Variants in TSPAN18 observed in about 807,000 individuals in gnomAD.
TSPAN18 encodes the protein tetraspanin 18.
Under a neutral mutation model 27.3 loss-of-function variants are expected in TSPAN18, and 14 were observed. The ratio of observed to expected loss-of-function variants is 0.51; its 90% CI spans 0.34 to 0.80. The LOEUF (loss-of-function observed/expected upper bound fraction) is 0.80. TSPAN18 is among the 30% of genes least tolerant of loss of function. The probability of loss-of-function intolerance (pLI) is 0.01; values close to 1 mark genes in which losing one functional copy is unlikely to be tolerated. For missense variants in TSPAN18, 268 were observed against 323.9 expected, an observed-to-expected ratio of 0.83 and a Z score of 1.32; for synonymous variants, 143 against 136.5, an observed-to-expected ratio of 1.05 and a Z score of -0.33.
chr11:44,730,287 C>T (rs1361724287), intron 1 of TSPAN18, among the ~76,000 whole-genome samples: 2 of 152,172 alleles, frequency 1.3e-5, no homozygotes, highest in African/African-American at 4.8e-5. Context: ...CAGGCTCGCT[C>T]CCCACTCTTC....
intron 2 of TSPAN18, among the ~76,000 whole-genome samples, chr11:44,784,678 G>C (rs1353854220): frequency 6.6e-6 from 1 of 152,194 alleles, no homozygotes; most frequent in South Asian, 2.1e-4. Flanking sequence ...TGCGTCCCCA[G>C]CCCTTGGGGC....
At chr11:44,876,255 G>A (rs888256007) in intron 3 of TSPAN18, among the ~76,000 whole-genome samples, 8 of 152,214 alleles carry the variant, frequency 5.3e-5, no homozygotes, top group African/African-American at 1.9e-4. Context: ...GGTCAATGCT[G>A]TCTCTGAGAG....
chr11:44,803,972 C>T (rs1290594095), intron 2 of TSPAN18, among the ~76,000 whole-genome samples: 1 of 152,214 alleles, frequency 6.6e-6, no homozygotes, highest in Non-Finnish European at 1.5e-5. Flanking sequence ...ATTTATTACA[C>T]CTGAAAAATA....
chr11:44,794,393 C>A (rs1009394952), intron 2 of TSPAN18, among the ~76,000 whole-genome samples: 8 of 152,082 alleles, frequency 5.3e-5, no homozygotes, highest in Admixed American at 1.3e-4. Context: ...TCTGGCCGGG[C>A]ATGGTAGCTC....
chr11:44,905,111 A>T (rs1453622918), intron 3 of TSPAN18, among the ~76,000 whole-genome samples: 1 of 152,202 alleles, frequency 6.6e-6, no homozygotes, highest in Non-Finnish European at 1.5e-5. Context: ...ATGGAGTCCA[A>T]TGTGATGCTT....
rs182399919 is a variant in TSPAN18, at chr11:44,884,031, G to A, written c.-10-22376G>A. On this transcript the variant is annotated intron_variant, in intron 3 of 9. Coordinates refer to ENST00000520358, the MANE Select transcript of TSPAN18 (RefSeq NM_130783.5). ...CCATCATCACCATTACTGCCATACCGTCTCTTCCCCAGGGATGCACAGGAG... is the reference window on the plus strand; with the variant it reads ...CCATCATCACCATTACTGCCATACCATCTCTTCCCCAGGGATGCACAGGAG... 1.4e-3 allele frequency among the ~76,000 whole-genome samples: 206 copies of A among 152,220 alleles called. 3 individuals carry two copies. The highest frequency in any genetic ancestry group is 4.9e-3 in the African/African-American group (202 of 41,532).
intron 4 of TSPAN18, among the ~76,000 whole-genome samples, chr11:44,908,769 G>GAAAGAAAGAAAAAGAAAGAAAGAA (rs1554938043): frequency 1.3e-4 from 9 of 71,696 alleles, no homozygotes; most frequent in East Asian, 4.4e-4. Flanking sequence ...AGAGAGAAAG[G>GAAAGAAAGAAAAAGAAAGAAAGAA]AGAAAGAAAG....
chr11:44,788,084 C>T (rs755574813), intron 2 of TSPAN18, among the ~76,000 whole-genome samples: 15 of 152,176 alleles, frequency 9.9e-5, no homozygotes, highest in Non-Finnish European at 1.8e-4. Flanking sequence ...AACTTTTTCT[C>T]GTGCCTTTTC....
At chr11:44,828,772 G>C (rs900813768) in intron 2 of TSPAN18, among the ~76,000 whole-genome samples, 1 of 152,064 alleles carries the variant, frequency 6.6e-6, no homozygotes, top group African/African-American at 2.4e-5. Context: ...CCGAGGCCAC[G>C]ACCAGGGAAT....
intron 2 of TSPAN18, among the ~76,000 whole-genome samples, chr11:44,816,684 C>A (rs1856824313): frequency 6.6e-6 from 1 of 152,182 alleles, no homozygotes; most frequent in African/African-American, 2.4e-5. Flanking sequence ...TCTCCCATGT[C>A]CTCCTGCTTT....
chr11:44,895,748 T>A (rs1043915377), intron 3 of TSPAN18, among the ~76,000 whole-genome samples: 1 of 152,176 alleles, frequency 6.6e-6, no homozygotes, highest in Non-Finnish European at 1.5e-5. Context: ...TTGGCCTATG[T>A]CATCCATGTT....
intron 2 of TSPAN18, among the ~76,000 whole-genome samples, chr11:44,800,916 G>C (rs572191271): frequency 6.6e-6 from 1 of 152,144 alleles, no homozygotes; most frequent in Non-Finnish European, 1.5e-5. Context: ...GCAGGGGCCC[G>C]CCTGGGCTGC....
chr11:44,804,176 T>C (rs1856542705), intron 2 of TSPAN18, among the ~76,000 whole-genome samples: 1 of 152,128 alleles, frequency 6.6e-6, no homozygotes, highest in Non-Finnish European at 1.5e-5. Flanking sequence ...CGATCTCAGC[T>C]CACTGCAACC....
At chr11:44,919,033 TGGGGATAAGAAGACTG>T (rs1860024302) in intron 6 of TSPAN18, among the ~76,000 whole-genome samples, 165 bp from the exon 7 acceptor site, 1 of 151,096 alleles carries the variant, frequency 6.6e-6, no homozygotes, top group South Asian at 2.1e-4. Flanking sequence ...CTTTCTCCAC[TGGGGATAAGAAGACTG>T]CCCCAAGTTG....
Position 44,792,367 on chromosome 11 carries a change from G to A in TSPAN18, c.-153+27855G>A, listed in dbSNP as rs186184657. Among the ~76,000 whole-genome samples, 45 of 152,282 alleles carry A rather than the reference G, an allele frequency of 3.0e-4. No homozygotes were observed. The South Asian group carries it at 4.6e-3, about 15-fold the overall frequency. ...GGCACGCACGGCCTGGAGCAGCCAG[G>A]GGCTGGTGAGTCCCAGGGCTGGAGC... On this transcript the variant is annotated intron_variant, in intron 2 of 9. Transcript: ENST00000520358.
At chr11:44,762,473 G>A (rs929857530) in intron 1 of TSPAN18, among the ~76,000 whole-genome samples, 2 of 152,132 alleles carry the variant, frequency 1.3e-5, no homozygotes, top group Admixed American at 1.3e-4. Flanking sequence ...AAGTCTAGAG[G>A]GTCTCACTCC....
At chr11:44,815,703 G>C (rs766410258) in intron 2 of TSPAN18, among the ~76,000 whole-genome samples, 1 of 152,146 alleles carries the variant, frequency 6.6e-6, no homozygotes, top group Admixed American at 6.5e-5. Context: ...CAAAATAAAA[G>C]GAGCTCATGG....
At chr11:44,807,538 AAAAAAAAAAAAAAG>A (rs1268395329) in intron 2 of TSPAN18, among the ~76,000 whole-genome samples, 1 of 150,444 alleles carries the variant, frequency 6.6e-6, no homozygotes, top group Non-Finnish European at 1.5e-5. Flanking sequence ...AAAAAAAAAA[AAAAAAAAAAAAAAG>A]AAAAGAAAAA....
At chr11:44,877,287 C>T (rs114428796) in intron 3 of TSPAN18, among the ~76,000 whole-genome samples, 2,336 of 152,290 alleles carry the variant, frequency 0.015, 68 homozygotes, top group African/African-American at 0.054. Context: ...AGTTCTCCAG[C>T]GCTGCCTTTA....
Sources: allele counts gnomAD v4.1 joint callset (sites outside exome capture counted in the v4.1 genomes callset), GRCh38; gene constraint gnomAD v4.1.1; transcripts MANE v1.5; gene names NCBI Gene and HGNC (gene_info 2026-07-23, HGNC 2026-07-21).